The following RBFOX1 variants were observed in gnomAD, a reference collection of about 807,000 sequenced individuals.
RBFOX1 encodes the protein RNA binding fox-1 homolog 1.
Under a neutral mutation model 57.7 loss-of-function variants are expected in RBFOX1, and 8 were observed. That is an observed-to-expected ratio of 0.14 (90% CI 0.08 to 0.25). The LOEUF (loss-of-function observed/expected upper bound fraction) is 0.25, where lower values mean the gene tolerates loss of function less well. Among genes scored for constraint, RBFOX1 ranks in the 10% least tolerant of loss-of-function variants. RBFOX1 has a pLI of 1.00. For missense variants in RBFOX1, 611 were observed against 548.5 expected (o/e 1.11, Z -1.14); for synonymous variants, 326 against 222.4 (o/e 1.47, Z -4.15).
chr16:7,167,192 G>T (rs2079743884), intron 4 of RBFOX1, among the ~76,000 whole-genome samples: 1 of 151,248 alleles, frequency 6.6e-6, no homozygotes, highest in Non-Finnish European at 1.5e-5. Context: ...CTCCGTGTTG[G>T]CCAGGCTGGT....
intron 3 of RBFOX1, among the ~76,000 whole-genome samples, chr16:6,982,652 A>T (rs952472073): frequency 2.0e-5 from 3 of 152,162 alleles, no homozygotes; most frequent in African/African-American, 7.2e-5. Flanking sequence ...CACATTGAGT[A>T]TTCACAGTAA....
At chr16:5,521,996 GC>G (rs2044039015) in intron 2 of RBFOX1, among the ~76,000 whole-genome samples, 1 of 152,168 alleles carries the variant, frequency 6.6e-6, no homozygotes, top group South Asian at 2.1e-4. Context: ...ATACACAGGG[GC>G]TGTGACTTCC....
intron 3 of RBFOX1, among the ~76,000 whole-genome samples, chr16:5,642,610 GC>G (rs1006207104): frequency 3.7e-4 from 57 of 152,048 alleles, no homozygotes; most frequent in South Asian, 8.3e-4. Context: ...GTGCCTAGCC[GC>G]CCCCCCTTCC....
chr16:7,060,724 C>T (rs562173849), intron 4 of RBFOX1, among the ~76,000 whole-genome samples: 1 of 152,286 alleles, frequency 6.6e-6, no homozygotes, highest in Admixed American at 6.5e-5. Flanking sequence ...GGTGACATTT[C>T]CACGTATACA....
intron 2 of RBFOX1, among the ~76,000 whole-genome samples, chr16:6,583,843 A>T (rs2097569752): frequency 6.6e-6 from 1 of 152,192 alleles, no homozygotes; most frequent in Non-Finnish European, 1.5e-5. Context: ...ACTCATTGAA[A>T]AGTAGGGGAA....
At chr16:7,325,402 T>C (rs1027225183) in intron 4 of RBFOX1, among the ~76,000 whole-genome samples, 4 of 152,180 alleles carry the variant, frequency 2.6e-5, no homozygotes, top group Admixed American at 2.6e-4. Flanking sequence ...TCTTAACTAC[T>C]ATACTATGGT....
chr16:7,537,040 G>C (rs558441478), intron 5 of RBFOX1, among the ~76,000 whole-genome samples: 1 of 152,312 alleles, frequency 6.6e-6, no homozygotes, highest in East Asian at 1.9e-4. Flanking sequence ...TCATCTGGGG[G>C]CTTTGTACCA....
At chr16:6,313,006 C>G (rs2080561465) in intron 1 of RBFOX1, among the ~76,000 whole-genome samples, 1 of 152,064 alleles carries the variant, frequency 6.6e-6, no homozygotes, top group Non-Finnish European at 1.5e-5. Context: ...GGGTGATGGG[C>G]TCTTAAAGCC....
At chr16:6,846,428 CAA>C (rs1567532826) in intron 3 of RBFOX1, among the ~76,000 whole-genome samples, 1 of 152,080 alleles carries the variant, frequency 6.6e-6, no homozygotes, top group African/African-American at 2.4e-5. Context: ...CAAGGACAAA[CAA>C]GAGACTGCAC....
At chr16:6,237,457 A>G (rs900872191) in intron 1 of RBFOX1, among the ~76,000 whole-genome samples, 1 of 152,194 alleles carries the variant, frequency 6.6e-6, no homozygotes, top group African/African-American at 2.4e-5. Flanking sequence ...ACTGAGCCCC[A>G]CTTTCATCAG....
intron 3 of RBFOX1, among the ~76,000 whole-genome samples, chr16:5,772,752 G>C (rs1189623746): frequency 6.6e-6 from 1 of 152,144 alleles, no homozygotes. Context: ...CTCTGTCCTT[G>C]TGGAGCTTAC....
chr16:6,966,530 G>A (rs1274978087), intron 3 of RBFOX1, among the ~76,000 whole-genome samples: 1 of 152,088 alleles, frequency 6.6e-6, no homozygotes, highest in Non-Finnish European at 1.5e-5. Flanking sequence ...GGAAGACTGA[G>A]AGAGATGGAT....
chr16:6,781,656 T>G (rs917231173), intron 3 of RBFOX1, among the ~76,000 whole-genome samples: 3 of 152,158 alleles, frequency 2.0e-5, no homozygotes, highest in African/African-American at 7.2e-5. Context: ...TCTTTGTAGT[T>G]TTTTATGTCC....
intron 2 of RBFOX1, among the ~76,000 whole-genome samples, chr16:6,462,316 A>G (rs930427792): frequency 2.0e-5 from 3 of 152,146 alleles, no homozygotes; most frequent in African/African-American, 7.2e-5. Flanking sequence ...ACAATTATCC[A>G]TGTGCATGCT....
At chr16:6,038,850 T>C (rs1282969436) in intron 1 of RBFOX1, 1 of 150,074 alleles carries the variant, frequency 6.7e-6, no homozygotes, top group Admixed American at 6.6e-5. Context: ...GCAATCCTAA[T>C]AGAGTTGAAT....
intron 4 of RBFOX1, among the ~76,000 whole-genome samples, chr16:5,939,779 T>G (rs2059243448): frequency 6.6e-6 from 1 of 152,216 alleles, no homozygotes; most frequent in African/African-American, 2.4e-5. Flanking sequence ...CATAGATAAT[T>G]GAAATGTTTA....
intron 4 of RBFOX1, among the ~76,000 whole-genome samples, chr16:7,182,873 CTT>C (rs2083000639): frequency 6.6e-6 from 1 of 152,152 alleles, no homozygotes; most frequent in Admixed American, 6.5e-5. Context: ...ACTTCTATGT[CTT>C]CCAAAGATCT....
chr16:7,424,220 G>T (rs910493412), intron 4 of RBFOX1, among the ~76,000 whole-genome samples: 2 of 151,872 alleles, frequency 1.3e-5, no homozygotes, highest in Non-Finnish European at 2.9e-5. Context: ...GGGCAGCCAT[G>T]AATTTTATTT....
At chr16:6,243,532 C>G (rs985748986) in intron 1 of RBFOX1, among the ~76,000 whole-genome samples, 1 of 152,146 alleles carries the variant, frequency 6.6e-6, no homozygotes, top group African/African-American at 2.4e-5. Context: ...GTTATCCTGC[C>G]CAACAGTCAG....
Sources: allele counts gnomAD v4.1 joint callset (sites outside exome capture counted in the v4.1 genomes callset), GRCh38; gene constraint gnomAD v4.1.1; transcripts MANE v1.5; gene names NCBI Gene and HGNC (gene_info 2026-07-23, HGNC 2026-07-21).